The following EPHA6 variants were observed in gnomAD, a reference collection of about 807,000 sequenced individuals.
EPHA6 encodes ephrin type-A receptor 6.
In EPHA6, 50 loss-of-function variants were observed where a neutral mutation model predicts 112.0. That is an observed-to-expected ratio of 0.45 (90% CI 0.36 to 0.56). The LOEUF (loss-of-function observed/expected upper bound fraction) is 0.56, where lower values mean the gene tolerates loss of function less well. Ranked by LOEUF, EPHA6 falls within the 20% of genes least tolerant of loss-of-function variation. The probability of loss-of-function intolerance (pLI) is 0.00; values close to 1 mark genes in which losing one functional copy is unlikely to be tolerated. For synonymous variants in EPHA6, 529 were observed against 490.7 expected (o/e 1.08, Z -1.03); for missense variants, 1,280 against 1,417.4 (o/e 0.90, Z 1.56).
intron 2 of EPHA6, among the ~76,000 whole-genome samples, chr3:96,982,448 A>G (rs887622518): frequency 3.9e-5 from 6 of 152,096 alleles, no homozygotes; most frequent in African/African-American, 1.4e-4. Context: ...GTTCTTTTAC[A>G]TTTGCTGAGG....
chr3:96,983,596 G>A (rs141758951), intron 2 of EPHA6, among the ~76,000 whole-genome samples: 1,904 of 152,236 alleles, frequency 0.013, 34 homozygotes, highest in African/African-American at 0.044. Context: ...TTGAATGTTG[G>A]CCTGCCTTGC....
chr3:97,646,235 G>A (rs747815624), intron 14 of EPHA6: 3 of 1,535,382 alleles, frequency 2.0e-6, no homozygotes, highest in South Asian at 1.2e-5. Flanking sequence ...TCCTCATGTG[G>A]AAGAGAAACA....
At chr3:97,506,585 C>A (rs1469984333) in intron 10 of EPHA6, among the ~76,000 whole-genome samples, 1 of 152,080 alleles carries the variant, frequency 6.6e-6, no homozygotes, top group African/African-American at 2.4e-5. Context: ...GTTACTGTAG[C>A]CTTGTAGTAT....
chr3:97,709,881 T>C (rs2033876613), intron 14 of EPHA6, among the ~76,000 whole-genome samples: 1 of 152,212 alleles, frequency 6.6e-6, no homozygotes, highest in Non-Finnish European at 1.5e-5. Flanking sequence ...CCCCCTCACC[T>C]ACCGCTATAA....
intron 3 of EPHA6, among the ~76,000 whole-genome samples, chr3:97,009,613 C>T (rs998777012): frequency 5.3e-5 from 8 of 152,228 alleles, no homozygotes; most frequent in East Asian, 1.9e-4. Flanking sequence ...CAGGCAGCTG[C>T]GCTGGTGCTG....
chr3:97,006,654 G>A (rs1452057613), intron 3 of EPHA6, among the ~76,000 whole-genome samples: 1 of 151,770 alleles, frequency 6.6e-6, no homozygotes, highest in Non-Finnish European at 1.5e-5. Context: ...TTAGCCTTTG[G>A]ATTAATTTGC....
chr3:97,536,412 T>C (rs984948359), intron 11 of EPHA6, among the ~76,000 whole-genome samples: 1 of 152,162 alleles, frequency 6.6e-6, no homozygotes, highest in Admixed American at 6.6e-5. Flanking sequence ...AATTTAGATA[T>C]GCCAACTGTA....
At chr3:96,922,873 G>A (rs992580395) in intron 2 of EPHA6, among the ~76,000 whole-genome samples, 10 of 152,060 alleles carry the variant, frequency 6.6e-5, no homozygotes, top group East Asian at 1.9e-4. Flanking sequence ...CCCATCATTC[G>A]TGTCTCACTG....
intron 7 of EPHA6, among the ~76,000 whole-genome samples, chr3:97,457,859 G>A (rs916609880): frequency 5.3e-5 from 8 of 151,858 alleles, no homozygotes; most frequent in Non-Finnish European, 1.0e-4. Flanking sequence ...GAGGTCAGGA[G>A]ATCGAGACCA....
chr3:96,814,902 A>C lies in EPHA6; in HGVS notation c.279A>C (p.Arg93Ser). The change falls in exon 1 of 18, where the codon AGA becomes AGC. Residue 93 changes from arginine to serine, a missense_variant. Arg to Ser is a moderately radical substitution (Grantham distance 110). Around this residue, in one of 4 missense-constraint regions of EPHA6, gnomAD observed 220 missense variants for 171.5 expected, o/e 1.28. Transcript: ENST00000389672. Reference protein sequence around the residue: ...SLRERKREPRRTMGGCEVREF... With the variant: ...SLRERKREPRSTMGGCEVREF... The stretch of plus-strand genomic sequence containing the variant: ...GGGAGAGGAAAAGAGAGCCTAGGAG[A>C]ACCATGGGGGGCTGCGAAGTCCGGG... 1 of 1,553,414 alleles carries C rather than the reference A, an allele frequency of 6.4e-7. No homozygotes were observed. Among genetic ancestry groups the C allele is most frequent in the Non-Finnish European group, 8.7e-7 (1 of 1,147,744 alleles).
intron 2 of EPHA6, among the ~76,000 whole-genome samples, chr3:96,957,778 G>A (rs544512295): frequency 6.6e-6 from 1 of 152,222 alleles, no homozygotes; most frequent in African/African-American, 2.4e-5. Flanking sequence ...GTTGTTATAT[G>A]TTTGTTTTTA....
chr3:97,087,443 G>A (rs1001333848), intron 3 of EPHA6, among the ~76,000 whole-genome samples: 2 of 152,126 alleles, frequency 1.3e-5, no homozygotes, highest in African/African-American at 4.8e-5. Context: ...TGAACTGAAA[G>A]CTGATTTATT....
chr3:97,179,688 T>C (rs772312802), intron 3 of EPHA6, among the ~76,000 whole-genome samples: 2 of 151,548 alleles, frequency 1.3e-5, no homozygotes, highest in Non-Finnish European at 2.9e-5. Context: ...AGACTCTTAT[T>C]CTTTTTTACT....
intron 2 of EPHA6, among the ~76,000 whole-genome samples, chr3:96,979,903 C>T (rs1375806279): frequency 2.6e-5 from 4 of 151,860 alleles, no homozygotes; most frequent in Non-Finnish European, 4.4e-5. Context: ...GGGTTGTTTG[C>T]TTTTTTCTTG....
Position 97,646,151 on chromosome 3 carries a change from A to G in EPHA6, c.2784+8069A>G, listed in dbSNP as rs578053961. On this transcript the variant is annotated intron_variant, in intron 14 of 17. Coordinates refer to ENST00000389672, the MANE Select transcript of EPHA6 (RefSeq NM_001080448.3). The stretch of plus-strand genomic sequence containing the variant: ...CAAATCACAACAAAGAGCAATCAGA[A>G]CTGGTTAAAGAAGATGGTCTGGAAA... 5.9e-6 allele frequency: 9 copies of G among 1,534,874 alleles called. No individual in the cohort carries two copies. The South Asian group carries it at 8.4e-5, about 14-fold the overall frequency.
intron 2 of EPHA6, among the ~76,000 whole-genome samples, chr3:96,871,076 T>C (rs2036598017): frequency 6.6e-6 from 1 of 152,068 alleles, no homozygotes; most frequent in Admixed American, 6.6e-5. Context: ...TATTTAAATA[T>C]TTTTTCTTCT....
chr3:97,470,628 C>A (rs1321430073), intron 7 of EPHA6, among the ~76,000 whole-genome samples: 3 of 151,370 alleles, frequency 2.0e-5, no homozygotes, highest in Admixed American at 6.6e-5. Context: ...GATATGAAAT[C>A]TCTTTTTTAA....
At chr3:97,599,801 A>T (rs2093628033) in intron 12 of EPHA6, among the ~76,000 whole-genome samples, 1 of 152,122 alleles carries the variant, frequency 6.6e-6, no homozygotes, top group African/African-American at 2.4e-5. Flanking sequence ...CAATTCTGTG[A>T]AGAAAGTCAT....
intron 8 of EPHA6, among the ~76,000 whole-genome samples, chr3:97,476,125 G>A (rs1027548009): frequency 6.6e-6 from 1 of 152,018 alleles, no homozygotes. Context: ...TAATACAGAC[G>A]TGAATGAAGA....
Sources: gnomAD v4.1 joint callset for allele counts (sites outside exome capture counted in the v4.1 genomes callset) on GRCh38, gnomAD v4.1.1 for gene constraint, gnomAD v4.1.1 regional missense constraint, MANE v1.5 for transcripts, NCBI Gene and HGNC (gene_info 2026-07-23, HGNC 2026-07-21) for gene names.